The following PCDHA5 variants were observed in gnomAD, a reference collection of about 807,000 sequenced individuals.
PCDHA5 encodes the protein protocadherin alpha-5.
A neutral mutation model predicts 61.6 loss-of-function variants in PCDHA5; 43 were observed. The ratio of observed to expected loss-of-function variants is 0.70; its 90% CI spans 0.55 to 0.90. PCDHA5 has a LOEUF of 0.90. Ranked by LOEUF, PCDHA5 falls within the 40% of genes least tolerant of loss-of-function variation. PCDHA5 has a pLI of 0.00. For missense variants in PCDHA5, 1,298 were observed against 1,222.7 expected (o/e 1.06, Z -0.92); for synonymous variants, 627 against 543.9 (o/e 1.15, Z -2.13).
In PCDHA5 at chr5:140,855,001, ATAT is replaced by A. The variant is rs1304130287; in HGVS notation, c.2352+30878_2352+30880del. On this transcript the variant is annotated intron_variant, in intron 1 of 3. Transcript: ENST00000529859. Reference sequence around the variant, plus strand: ...TTAAGATTCTTTTTGCCCGTGTAAGATATTATAAAATGAAACTTCTTGTATAAA... The same window carrying A: ...TTAAGATTCTTTTTGCCCGTGTAAGATATAAAATGAAACTTCTTGTATAAA... Among the ~76,000 whole-genome samples the A allele has an allele frequency of 2.0e-5, 3 of 149,948 alleles. 1 individual carries two copies. The highest frequency in any genetic ancestry group is 4.5e-5 in the Non-Finnish European group (3 of 67,104).
rs782116961 is a variant in PCDHA5, at chr5:140,966,933, C to T, written c.2353-12016C>T. On this transcript the variant is annotated intron_variant, in intron 1 of 3. Transcript: ENST00000529859. ...GTGCCAGAGGAGCAGGCACCCGGCGCGCTCGTGGGCAACGTGGCTCGCGCG... is the reference window on the plus strand; with the variant it reads ...GTGCCAGAGGAGCAGGCACCCGGCGTGCTCGTGGGCAACGTGGCTCGCGCG... 2.5e-6 allele frequency: 4 copies of T among 1,603,904 alleles called. No individual in the cohort carries two copies. The highest frequency in any genetic ancestry group is 1.1e-5 in the South Asian group (1 of 90,778).
chr5:141,004,092 C>T (rs1245515449), intron 3 of PCDHA5, among the ~76,000 whole-genome samples: 1 of 152,198 alleles, frequency 6.6e-6, no homozygotes, highest in Non-Finnish European at 1.5e-5. Context: ...TGTGCTTCTT[C>T]CGTTTTCATC....
At chr5:140,841,330 T>C (rs2150313655) in intron 1 of PCDHA5, 15 of 1,609,434 alleles carry the variant, frequency 9.3e-6, no homozygotes, top group Non-Finnish European at 1.1e-5. Context: ...ACATGGATTA[T>C]CACTGGCGAG....
intron 1 of PCDHA5, among the ~76,000 whole-genome samples, chr5:140,922,827 A>G (rs2081011863): frequency 1.3e-5 from 2 of 152,244 alleles, no homozygotes; most frequent in South Asian, 4.1e-4. Context: ...GCATACTGCT[A>G]ATAGATGTCC....
intron 1 of PCDHA5, chr5:140,863,589 T>C: frequency 2.8e-6 from 1 of 359,456 alleles, no homozygotes; most frequent in Admixed American, 3.7e-5. Flanking sequence ...TCCTGGAAAG[T>C]ATTTCATTCC....
chr5:140,871,145 C>G, intron 1 of PCDHA5: 1 of 1,613,418 alleles, frequency 6.2e-7, no homozygotes, highest in Non-Finnish European at 8.5e-7. Flanking sequence ...TCTTCCCGGA[C>G]TTTGGCGGGC....
chr5:140,914,073 C>G (rs1314205032), intron 1 of PCDHA5, among the ~76,000 whole-genome samples: 1 of 152,122 alleles, frequency 6.6e-6, no homozygotes, highest in Non-Finnish European at 1.5e-5. Flanking sequence ...TGCTCCATAA[C>G]TATCTATTAG....
intron 1 of PCDHA5, chr5:140,928,374 C>T (rs782659188): frequency 6.2e-7 from 1 of 1,614,172 alleles, no homozygotes; most frequent in Non-Finnish European, 8.5e-7. Flanking sequence ...GGCCATCAGC[C>T]TCTAGCTTGC....
In PCDHA5 at chr5:140,879,783, G is replaced by C. The variant is rs182330190; in HGVS notation, c.2352+55656G>C. Among the ~76,000 whole-genome samples, 12 of 152,280 alleles carry C rather than the reference G, an allele frequency of 7.9e-5. No homozygotes were observed. In the East Asian group the frequency reaches 2.3e-3, roughly 29 times the overall value. ...TTTGGAGGCCCCAGGGAAGAATCTGGTTTTTGTTTCTTCCAGTTTCTATTG... is the reference window on the plus strand; with the variant it reads ...TTTGGAGGCCCCAGGGAAGAATCTGCTTTTTGTTTCTTCCAGTTTCTATTG... On this transcript the variant is annotated intron_variant, in intron 1 of 3. Coordinates refer to ENST00000529859, the MANE Select transcript of PCDHA5 (RefSeq NM_018908.3).
At chr5:140,876,165 C>G in intron 1 of PCDHA5, 17 of 1,613,944 alleles carry the variant, frequency 1.1e-5, no homozygotes, top group Non-Finnish European at 1.4e-5. Flanking sequence ...TTCAAATAAC[C>G]GTCCTGGATG....
chr5:140,885,229 C>A (rs1410460890), intron 1 of PCDHA5, among the ~76,000 whole-genome samples: 2 of 151,932 alleles, frequency 1.3e-5, no homozygotes, highest in African/African-American at 4.8e-5. Context: ...TGTGATTCTG[C>A]TTTCAATTTT....
chr5:140,867,025 C>G lies in PCDHA5; in HGVS notation c.2352+42898C>G, dbSNP rs560327933. 2.6e-5 allele frequency: 4 copies of G among 152,270 alleles called. No homozygotes were observed. The East Asian group carries it at 7.7e-4, about 29-fold the overall frequency. The allele number at this position is 152,270 out of a possible 1,614,324, so 9.4% of individuals were successfully genotyped here. Reference sequence around the variant, plus strand: ...TCATTGATTCATACACTATATCAAACTCTTTTATGACTTGGCGTTTGTTCA... The same window carrying G: ...TCATTGATTCATACACTATATCAAAGTCTTTTATGACTTGGCGTTTGTTCA... On this transcript the variant is annotated intron_variant, in intron 1 of 3. Transcript: ENST00000529859.
chr5:140,883,997 G>A, intron 1 of PCDHA5: 1 of 1,613,014 alleles, frequency 6.2e-7, no homozygotes, highest in Non-Finnish European at 8.5e-7. Context: ...GGGAGGCACA[G>A]TGAGCGAGCT....
intron 1 of PCDHA5, among the ~76,000 whole-genome samples, chr5:140,909,036 C>T (rs2074275767): frequency 6.6e-6 from 1 of 152,162 alleles, no homozygotes; most frequent in Non-Finnish European, 1.5e-5. Flanking sequence ...CATTTATTTT[C>T]CATACTCTGG....
chr5:141,003,425 C>A (rs1344914063), intron 3 of PCDHA5, among the ~76,000 whole-genome samples: 1 of 152,138 alleles, frequency 6.6e-6, no homozygotes, highest in Non-Finnish European at 1.5e-5. Context: ...GATTCTTATG[C>A]CTCAGCCTCC....
chr5:140,966,166 C>T (rs1159533172), intron 1 of PCDHA5: 1 of 179,138 alleles, frequency 5.6e-6, no homozygotes, highest in Non-Finnish European at 1.2e-5. Flanking sequence ...GAGATCTTTT[C>T]CTGGGGAGCT....
chr5:140,871,504 C>G (rs782640295), intron 1 of PCDHA5: 2 of 1,581,824 alleles, frequency 1.3e-6, no homozygotes, highest in African/African-American at 1.3e-5. Context: ...GGTGAGTTTT[C>G]TACAGATTCC....
intron 1 of PCDHA5, chr5:140,884,468 C>T (rs925441051): frequency 2.5e-6 from 4 of 1,613,762 alleles, no homozygotes; most frequent in Non-Finnish European, 3.4e-6. Flanking sequence ...CGCGTGCGCG[C>T]CGGGCAAGCC....
intron 1 of PCDHA5, chr5:140,968,646 C>T (rs2153772882): frequency 6.2e-7 from 1 of 1,614,216 alleles, no homozygotes; most frequent in Non-Finnish European, 8.5e-7. Context: ...CTAGCCCAGA[C>T]TTCTGACCTG....
Sources: gnomAD v4.1 joint callset for allele counts (sites outside exome capture counted in the v4.1 genomes callset) on GRCh38, gnomAD v4.1.1 for gene constraint, MANE v1.5 for transcripts, NCBI Gene and HGNC (gene_info 2026-07-23, HGNC 2026-07-21) for gene names.